The following RALYL variants were observed in gnomAD, a reference collection of about 807,000 sequenced individuals.
RALYL encodes RALY RNA binding protein like.
A neutral mutation model predicts 35.1 loss-of-function variants in RALYL; 29 were observed. The observed-to-expected ratio is 0.83, with a 90% CI of 0.61 to 1.13. RALYL has a LOEUF of 1.13. Ranked by LOEUF, RALYL falls within the 50% of genes most tolerant of loss-of-function variation. The pLI is 0.00. For missense variants in RALYL, 359 were observed against 360.4 expected, an observed-to-expected ratio of 1.00 and a Z score of 0.03; for synonymous variants, 120 against 127.6, an observed-to-expected ratio of 0.94 and a Z score of 0.40.
chr8:84,283,960 T>TA (rs56885441), intron 1 of RALYL, among the ~76,000 whole-genome samples: 6,268 of 150,670 alleles, frequency 0.042, 447 homozygotes, highest in African/African-American at 0.14. Context: ...ATTAGACCAG[T>TA]AAAAAAAAAT....
At chr8:84,219,862 T>TATAG (rs57823121) in intron 1 of RALYL, among the ~76,000 whole-genome samples, 58,549 of 150,930 alleles carry the variant, frequency 0.39, 11,445 homozygotes, top group Non-Finnish European at 0.43. Flanking sequence ...ACAGAAGACG[T>TATAG]ATAGATAGAT....
intron 2 of RALYL, among the ~76,000 whole-genome samples, chr8:84,601,622 GA>G (rs546054491): frequency 5.8e-4 from 80 of 137,258 alleles, no homozygotes; most frequent in Admixed American, 7.4e-4. Context: ...TGCAACATGA[GA>G]AAAAAAAAAA....
At chr8:84,754,542 A>G (rs1385216210) in intron 2 of RALYL, among the ~76,000 whole-genome samples, 1 of 152,332 alleles carries the variant, frequency 6.6e-6, no homozygotes. Flanking sequence ...GGAACTGACT[A>G]TCAGTCTTTC....
chr8:84,310,492 C>T lies in RALYL; in HGVS notation c.-24+126068C>T, dbSNP rs919453789. On this transcript the variant is annotated intron_variant, in intron 1 of 8. Coordinates refer to ENST00000521268, the MANE Select transcript of RALYL (RefSeq NM_173848.7). ...GAAAAATGGAAAACGGCAATAAATC[C>T]GAAAAGAAAGAAAATGGAAGGAAGG... 7.3e-5 allele frequency among the ~76,000 whole-genome samples: 11 copies of T among 149,884 alleles called. 1 individual carries two copies. The South Asian group carries it at 1.1e-3, about 15-fold the overall frequency.
At chr8:84,639,557 G>A (rs1037416332) in intron 2 of RALYL, among the ~76,000 whole-genome samples, 1 of 151,932 alleles carries the variant, frequency 6.6e-6, no homozygotes. Context: ...CTTTAGCCAA[G>A]ATAAGGGGTC....
At chr8:84,312,244 A>G (rs934857357) in intron 1 of RALYL, among the ~76,000 whole-genome samples, 4 of 152,174 alleles carry the variant, frequency 2.6e-5, no homozygotes, top group African/African-American at 9.7e-5. Flanking sequence ...GTCACCTCCC[A>G]CCAGGTCCTT....
At chr8:84,445,453 C>T (rs2048750674) in intron 1 of RALYL, among the ~76,000 whole-genome samples, 1 of 151,882 alleles carries the variant, frequency 6.6e-6, no homozygotes, top group South Asian at 2.1e-4. Flanking sequence ...TTTCATCGCA[C>T]ACTGCCAGAA....
chr8:84,265,156 C>G (rs1040312752), intron 1 of RALYL, among the ~76,000 whole-genome samples: 8 of 152,118 alleles, frequency 5.3e-5, no homozygotes, highest in Admixed American at 6.5e-5. Context: ...ATATTAACAG[C>G]CCCCTAAAGT....
At chr8:84,703,405 G>A (rs1840570241) in intron 2 of RALYL, among the ~76,000 whole-genome samples, 1 of 152,104 alleles carries the variant, frequency 6.6e-6, no homozygotes, top group African/African-American at 2.4e-5. Flanking sequence ...ACATTGACGA[G>A]TACAAGTCTG....
At chr8:84,844,919 G>A (rs1834283408) in intron 4 of RALYL, among the ~76,000 whole-genome samples, 1 of 151,820 alleles carries the variant, frequency 6.6e-6, no homozygotes, top group South Asian at 2.1e-4. Flanking sequence ...ATTGAACGAT[G>A]AGAACACATG....
At chr8:84,657,062 A>G (rs923304412) in intron 2 of RALYL, among the ~76,000 whole-genome samples, 1 of 152,200 alleles carries the variant, frequency 6.6e-6, no homozygotes, top group East Asian at 1.9e-4. Flanking sequence ...TCAGCTGCTG[A>G]CACTGTAAAG....
chr8:84,319,610 C>A (rs910847991), intron 1 of RALYL, among the ~76,000 whole-genome samples: 1 of 152,070 alleles, frequency 6.6e-6, no homozygotes, highest in Admixed American at 6.6e-5. Flanking sequence ...GTCTTTTTAA[C>A]TTTCCACTTC....
intron 1 of RALYL, among the ~76,000 whole-genome samples, chr8:84,340,425 C>G (rs866364759): frequency 6.6e-6 from 1 of 152,092 alleles, no homozygotes; most frequent in Non-Finnish European, 1.5e-5. Flanking sequence ...ATCCATTGAA[C>G]TGCAACTCCC....
intron 1 of RALYL, among the ~76,000 whole-genome samples, chr8:84,307,192 C>G (rs959977573): frequency 1.3e-5 from 2 of 152,086 alleles, no homozygotes; most frequent in African/African-American, 4.8e-5. Flanking sequence ...TTCAGATATT[C>G]CTCTGTGTAT....
chr8:84,628,681 C>T (rs907258367), intron 2 of RALYL, among the ~76,000 whole-genome samples: 10 of 151,764 alleles, frequency 6.6e-5, no homozygotes, highest in South Asian at 2.1e-4. Flanking sequence ...AGGACCATCA[C>T]GGTAGGGTGC....
intron 2 of RALYL, among the ~76,000 whole-genome samples, chr8:84,638,695 T>C (rs2131337665): frequency 6.6e-6 from 1 of 150,868 alleles, no homozygotes; most frequent in Non-Finnish European, 1.5e-5. Flanking sequence ...TCCTCAACCC[T>C]ATGCAGTGTA....
At chr8:84,774,775 C>G in intron 3 of RALYL, 121 bp downstream of exon 3, 1 of 673,624 alleles carries the variant, frequency 1.5e-6, no homozygotes, top group Non-Finnish European at 2.6e-6. Flanking sequence ...GAATAAAGTA[C>G]AACAAATGTT....
intron 1 of RALYL, among the ~76,000 whole-genome samples, chr8:84,263,606 A>G (rs1039299916): frequency 6.6e-6 from 1 of 151,842 alleles, no homozygotes; most frequent in African/African-American, 2.4e-5. Context: ...TTTATTTTTC[A>G]TTTTTATTTT....
At chr8:84,592,457 A>G (rs909595619) in intron 2 of RALYL, among the ~76,000 whole-genome samples, 3 of 152,134 alleles carry the variant, frequency 2.0e-5, no homozygotes, top group African/African-American at 4.8e-5. Context: ...ATCTGTCTAT[A>G]TAAGATATCC....
Sources: gnomAD v4.1 joint callset for allele counts (sites outside exome capture counted in the v4.1 genomes callset) on GRCh38, gnomAD v4.1.1 for gene constraint, MANE v1.5 for transcripts, NCBI Gene and HGNC (gene_info 2026-07-23, HGNC 2026-07-21) for gene names.